The following TUSC3 variants were observed in gnomAD, a reference collection of about 807,000 sequenced individuals.
TUSC3 encodes the protein dolichyl-diphosphooligosaccharide--protein glycosyltransferase subunit TUSC3.
Under a neutral mutation model 44.8 loss-of-function variants are expected in TUSC3, and 45 were observed. That is an observed-to-expected ratio of 1.00 (90% confidence interval 0.79 to 1.29). The LOEUF is 1.29. Ranked by LOEUF, TUSC3 falls within the 50% of genes most tolerant of loss-of-function variation. The pLI is 0.00. For missense variants in TUSC3, 519 were observed against 437.9 expected (o/e 1.19, Z -1.65); for synonymous variants, 212 against 152.9 (o/e 1.39, Z -2.85).
At chr8:15,794,468 T>C in the TUSC3 span, among the ~76,000 whole-genome samples, 1 of 152,216 alleles carries the variant, frequency 6.6e-6, no homozygotes, top group African/African-American at 2.4e-5. Context: ...TCAAGTACTA[T>C]AAATGGTTTG....
intron 2 of TUSC3, among the ~76,000 whole-genome samples, chr8:15,625,053 A>C (rs1805432291): frequency 6.6e-6 from 1 of 152,156 alleles, no homozygotes; most frequent in African/African-American, 2.4e-5. Flanking sequence ...GTTTGCTGAC[A>C]GTTTTTATCA....
At chr8:15,744,436 C>G (rs1380973554) in intron 8 of TUSC3, among the ~76,000 whole-genome samples, 2 of 151,882 alleles carry the variant, frequency 1.3e-5, no homozygotes, top group African/African-American at 2.4e-5. Context: ...TTATTTTTTT[C>G]TTTCTTTGCA....
intron 2 of TUSC3, among the ~76,000 whole-genome samples, chr8:15,533,282 A>T (rs1378979802): frequency 2.6e-5 from 4 of 152,142 alleles, no homozygotes; most frequent in African/African-American, 9.7e-5. Context: ...GCAGCATGAA[A>T]ATTGATTAAT....
chr8:15,675,439 T>C (rs987273001), intron 6 of TUSC3, among the ~76,000 whole-genome samples: 6 of 152,114 alleles, frequency 3.9e-5, no homozygotes, highest in African/African-American at 1.4e-4. Context: ...TTTCAGACTT[T>C]TTTTTTTCTT....
At chr8:15,790,461 G>T in the TUSC3 span, among the ~76,000 whole-genome samples, 1 of 151,994 alleles carries the variant, frequency 6.6e-6, no homozygotes. Context: ...GGGATTACAG[G>T]CATGAGCCAC....
At chr8:15,677,172 G>GT (rs1246155013) in intron 6 of TUSC3, among the ~76,000 whole-genome samples, 5 of 152,012 alleles carry the variant, frequency 3.3e-5, no homozygotes, top group Non-Finnish European at 7.4e-5. Flanking sequence ...CCTGGCCTTT[G>GT]TTTTTCCCCA....
At chr8:15,844,594 A>G in the TUSC3 span, among the ~76,000 whole-genome samples, 15 of 152,326 alleles carry the variant, frequency 9.8e-5, no homozygotes, top group Middle Eastern at 3.4e-3. Flanking sequence ...TGTTGCTAAA[A>G]TGAAAAGACA....
chr8:15,737,404 CTCAGTGCCTCTGGGTATTGTATGTAATT>C (rs1356017149), intron 7 of TUSC3, among the ~76,000 whole-genome samples: 7 of 152,070 alleles, frequency 4.6e-5, no homozygotes, highest in Non-Finnish European at 8.8e-5. Flanking sequence ...CTGTAGAATG[CTCAGTGCCTCTGGGTATTGTATGTAATT>C]TACACAAATA....
intron 1 of TUSC3, among the ~76,000 whole-genome samples, chr8:15,568,099 C>T (rs1041386672): frequency 3.2e-4 from 49 of 152,134 alleles, no homozygotes; most frequent in African/African-American, 1.1e-3. Context: ...TGACTAGAGC[C>T]ATTCTCTGAG....
At chr8:15,743,807 G>A (rs1032783035) in intron 8 of TUSC3, among the ~76,000 whole-genome samples, 195 bp downstream of exon 8, 5 of 152,126 alleles carry the variant, frequency 3.3e-5, no homozygotes, top group African/African-American at 1.2e-4. Flanking sequence ...AGGGGACTGG[G>A]TCGTTTTCTG....
intron 3 of TUSC3, among the ~76,000 whole-genome samples, chr8:15,658,639 T>TATACACACACAC (rs140837147): frequency 6.7e-6 from 1 of 148,600 alleles, no homozygotes; most frequent in East Asian, 2.0e-4. Context: ...CACATATATA[T>TATACACACACAC]ACACACACAC....
chr8:15,752,345 T>C (rs1811742549), intron 9 of TUSC3, among the ~76,000 whole-genome samples: 1 of 152,134 alleles, frequency 6.6e-6, no homozygotes, highest in Non-Finnish European at 1.5e-5. Context: ...ACAGCCTTAA[T>C]ATGTACTACT....
chr8:15,553,973 G>C (rs968773848), intron 1 of TUSC3, among the ~76,000 whole-genome samples: 2 of 151,656 alleles, frequency 1.3e-5, no homozygotes, highest in South Asian at 4.2e-4. Flanking sequence ...CATCAGATGG[G>C]CAGCATATAC....
intron 8 of TUSC3, among the ~76,000 whole-genome samples, chr8:15,747,141 C>G (rs1179759909): frequency 6.6e-6 from 1 of 151,984 alleles, no homozygotes; most frequent in Non-Finnish European, 1.5e-5. Flanking sequence ...CATATTTTGA[C>G]AAAGCCGTAC....
chr8:15,738,174 T>C (rs936008480), intron 7 of TUSC3, among the ~76,000 whole-genome samples: 5 of 152,168 alleles, frequency 3.3e-5, no homozygotes, highest in Non-Finnish European at 7.4e-5. Flanking sequence ...AGATCATACT[T>C]ACTTACTGAC....
At chr8:15,662,098 A>G in intron 4 of TUSC3, 58 bp from the exon 5 acceptor site, 2 of 1,598,986 alleles carry the variant, frequency 1.3e-6, no homozygotes, top group Non-Finnish European at 1.7e-6. Flanking sequence ...CTAGAATATG[A>G]TCAAAAGAAA....
At chr8:15,693,657 G>A (rs916323661) in intron 6 of TUSC3, among the ~76,000 whole-genome samples, 2 of 151,612 alleles carry the variant, frequency 1.3e-5, no homozygotes, top group African/African-American at 4.9e-5. Context: ...TTTCACAGGG[G>A]TTCTCTGCAT....
At chr8:15,692,872 T>A (rs1808980408) in intron 6 of TUSC3, among the ~76,000 whole-genome samples, 1 of 152,186 alleles carries the variant, frequency 6.6e-6, no homozygotes, top group African/African-American at 2.4e-5. Context: ...TTTAAGATAG[T>A]TAGATCCTCT....
chr8:15,821,277 T>G, the TUSC3 span, among the ~76,000 whole-genome samples: 2 of 152,064 alleles, frequency 1.3e-5, no homozygotes. Flanking sequence ...TTTCCCTGTT[T>G]GTAATATGTC....
Sources: allele counts gnomAD v4.1 joint callset (sites outside exome capture counted in the v4.1 genomes callset), GRCh38; gene constraint gnomAD v4.1.1; transcripts MANE v1.5; gene names NCBI Gene and HGNC (gene_info 2026-07-23, HGNC 2026-07-21).